Variants in ANKS1B observed in about 807,000 individuals in gnomAD.
The protein encoded by ANKS1B is ankyrin repeat and sterile alpha motif domain containing 1B, also known as ankyrin repeat and sterile alpha motif domain-containing protein 1B.
Under a neutral mutation model 148.3 loss-of-function variants are expected in ANKS1B, and 36 were observed. That is an observed-to-expected ratio of 0.24 (90% CI 0.19 to 0.32). The LOEUF (loss-of-function observed/expected upper bound fraction) is 0.32, where lower values mean the gene tolerates loss of function less well. Ranked by LOEUF, ANKS1B falls within the 10% of genes least tolerant of loss-of-function variation. The pLI is 1.00. For synonymous variants in ANKS1B, 542 were observed against 560.8 expected, an observed-to-expected ratio of 0.97 and a Z score of 0.47; for missense variants, 1,157 against 1,542.6, an observed-to-expected ratio of 0.75 and a Z score of 4.19.
At chr12:98,870,097 A>G (rs571883587) in intron 17 of ANKS1B, among the ~76,000 whole-genome samples, 1 of 152,338 alleles carries the variant, frequency 6.6e-6, no homozygotes, top group East Asian at 1.9e-4. Context: ...TACCTGTAAC[A>G]GGGAGATGGA....
intron 9 of ANKS1B, chr12:99,648,120 A>G: frequency 6.4e-7 from 1 of 1,565,016 alleles, no homozygotes; most frequent in East Asian, 2.3e-5. Flanking sequence ...CCGCTAAAGC[A>G]TGTTAAGGAA....
intron 10 of ANKS1B, among the ~76,000 whole-genome samples, chr12:99,479,328 C>T (rs983362102): frequency 6.6e-6 from 1 of 151,750 alleles, no homozygotes; most frequent in African/African-American, 2.4e-5. Flanking sequence ...TTATGTCTGC[C>T]CAAGTTTAAG....
At chr12:98,969,250 G>T (rs1385261009) in intron 17 of ANKS1B, among the ~76,000 whole-genome samples, 1 of 152,128 alleles carries the variant, frequency 6.6e-6, no homozygotes, top group Non-Finnish European at 1.5e-5. Flanking sequence ...CCACCCAAAT[G>T]AACTGAAATG....
intron 10 of ANKS1B, among the ~76,000 whole-genome samples, chr12:99,470,114 CTAATAATAATAA>C (rs369653175): frequency 6.8e-6 from 1 of 148,014 alleles, no homozygotes; most frequent in Non-Finnish European, 1.5e-5. Flanking sequence ...GACTCTGTCT[CTAATAATAATAA>C]TAATAATAAT....
chr12:99,422,960 G>T (rs2152720651), intron 11 of ANKS1B, among the ~76,000 whole-genome samples: 1 of 152,298 alleles, frequency 6.6e-6, no homozygotes, highest in Non-Finnish European at 1.5e-5. Context: ...GATGGAGAAA[G>T]AAATGAAGAG....
At chr12:99,061,351 G>A (rs1332133384) in intron 16 of ANKS1B, among the ~76,000 whole-genome samples, 2 of 152,150 alleles carry the variant, frequency 1.3e-5, no homozygotes, top group Non-Finnish European at 2.9e-5. Flanking sequence ...CAATACCCTG[G>A]AGTCTGGGAA....
chr12:98,886,830 C>T (rs2099741162), intron 17 of ANKS1B, among the ~76,000 whole-genome samples: 1 of 152,066 alleles, frequency 6.6e-6, no homozygotes, highest in Non-Finnish European at 1.5e-5. Context: ...AAGAATACAA[C>T]GTTCGGCCAT....
chr12:99,220,509 T>C (rs1435713572), intron 14 of ANKS1B, among the ~76,000 whole-genome samples: 16 of 146,040 alleles, frequency 1.1e-4, no homozygotes, highest in Admixed American at 3.5e-4. Flanking sequence ...TGGAGTCCAG[T>C]GGCGTCGGCT....
intron 17 of ANKS1B, among the ~76,000 whole-genome samples, chr12:99,032,091 G>A (rs967121005): frequency 6.6e-6 from 1 of 152,182 alleles, no homozygotes; most frequent in Admixed American, 6.5e-5. Flanking sequence ...GCAAAGAGGT[G>A]GAGGGAAGCC....
At chr12:99,473,580 C>A (rs1245610736) in intron 10 of ANKS1B, among the ~76,000 whole-genome samples, 1 of 151,900 alleles carries the variant, frequency 6.6e-6, no homozygotes, top group Admixed American at 6.6e-5. Flanking sequence ...TTTTCTATAT[C>A]CTTTACAATA....
chr12:98,952,231 C>G (rs1209919383), intron 17 of ANKS1B, among the ~76,000 whole-genome samples: 1 of 152,108 alleles, frequency 6.6e-6, no homozygotes, highest in Non-Finnish European at 1.5e-5. Flanking sequence ...TTCCCCCCGT[C>G]TTTTGGATGG....
At chr12:98,749,861 G>C (rs1489485007) in intron 26 of ANKS1B, among the ~76,000 whole-genome samples, 3 of 152,130 alleles carry the variant, frequency 2.0e-5, no homozygotes, top group Non-Finnish European at 4.4e-5. Flanking sequence ...GGAGGAAGTG[G>C]GGAAGAGTGG....
chr12:99,926,589 G>C (rs73147443), intron 1 of ANKS1B, among the ~76,000 whole-genome samples: 1 of 152,066 alleles, frequency 6.6e-6, no homozygotes, highest in African/African-American at 2.4e-5. Context: ...GGCTCTCCTG[G>C]ATCTCCAGCT....
Position 99,368,952 on chromosome 12 carries a change from A to G in ANKS1B, c.1756+30679T>C, listed in dbSNP as rs367959129. 2.6e-5 allele frequency among the ~76,000 whole-genome samples: 4 copies of G among 152,194 alleles called. No homozygotes were observed. In the East Asian group the frequency reaches 7.7e-4, roughly 29 times the overall value. ...ATTATTAGAGAATCAGAATTTTGCAATCCCAATGAAACCACTGTTCCCATC... is the reference window on the plus strand; with the variant it reads ...ATTATTAGAGAATCAGAATTTTGCAGTCCCAATGAAACCACTGTTCCCATC... On this transcript the variant is annotated intron_variant, in intron 12 of 26. Coordinates refer to ENST00000683438, the MANE Select transcript of ANKS1B (RefSeq NM_001352186.2).
intron 26 of ANKS1B, among the ~76,000 whole-genome samples, chr12:98,748,390 G>A (rs1299189855): frequency 6.6e-6 from 1 of 152,118 alleles, no homozygotes; most frequent in Non-Finnish European, 1.5e-5. Context: ...ACACTCCTGG[G>A]GCGGGGCCGG....
intron 9 of ANKS1B, among the ~76,000 whole-genome samples, chr12:99,582,028 GT>G (rs1416627273): frequency 3.3e-5 from 5 of 151,860 alleles, no homozygotes; most frequent in Non-Finnish European, 7.4e-5. Context: ...AGACTAACTG[GT>G]TTTTGTTTAA....
At chr12:99,044,068 C>T (rs1013739051) in intron 17 of ANKS1B, among the ~76,000 whole-genome samples, 14 of 152,118 alleles carry the variant, frequency 9.2e-5, no homozygotes, top group African/African-American at 3.1e-4. Context: ...ATTTGCATTT[C>T]GTGTATGTAT....
At chr12:99,577,272 TA>T (rs1326668130) in intron 9 of ANKS1B, among the ~76,000 whole-genome samples, 29 of 150,364 alleles carry the variant, frequency 1.9e-4, no homozygotes, top group African/African-American at 6.3e-4. Context: ...TCCTTGTCAT[TA>T]AAAACTCTCT....
At chr12:99,527,373 A>G (rs1300015843) in intron 9 of ANKS1B, among the ~76,000 whole-genome samples, 1 of 152,220 alleles carries the variant, frequency 6.6e-6, no homozygotes, top group Admixed American at 6.5e-5. Context: ...AAATTTTAAA[A>G]TCACGTACCC....
Sources: gnomAD v4.1 joint callset for allele counts (sites outside exome capture counted in the v4.1 genomes callset) on GRCh38, gnomAD v4.1.1 for gene constraint, MANE v1.5 for transcripts, NCBI Gene and HGNC (gene_info 2026-07-23, HGNC 2026-07-21) for gene names.